GABRB3: variants seen among roughly 807,000 people sequenced by gnomAD.
The protein encoded by GABRB3 is gamma-aminobutyric acid receptor subunit beta-3.
In GABRB3, 14 loss-of-function variants were observed where a neutral mutation model predicts 52.1. The observed-to-expected ratio is 0.27, with a 90% confidence interval of 0.18 to 0.42. GABRB3 has a LOEUF of 0.42. Ranked by LOEUF, GABRB3 falls within the 10% of genes least tolerant of loss-of-function variation. GABRB3 has a pLI of 1.00. For missense variants in GABRB3, 307 were observed against 609.1 expected (o/e 0.50, Z 5.22); for synonymous variants, 260 against 232.3 (o/e 1.12, Z -1.08).
At chr15:26,640,953 C>T (rs1341190420) in intron 3 of GABRB3, among the ~76,000 whole-genome samples, 1 of 152,168 alleles carries the variant, frequency 6.6e-6, no homozygotes. Context: ...AGTCATGATT[C>T]TCTTGCTTTA....
chr15:26,735,905 T>C (rs1052759081), intron 3 of GABRB3, among the ~76,000 whole-genome samples: 1 of 150,036 alleles, frequency 6.7e-6, no homozygotes, highest in Non-Finnish European at 1.5e-5. Flanking sequence ...CAGTGAGCTA[T>C]GACCGTATCA....
At chr15:26,671,652 G>A (rs989826640) in intron 3 of GABRB3, among the ~76,000 whole-genome samples, 1 of 152,188 alleles carries the variant, frequency 6.6e-6, no homozygotes, top group Non-Finnish European at 1.5e-5. Flanking sequence ...TTGATTAGTT[G>A]GGGTAGGCTT....
At chr15:26,733,506 CATAA>C (rs921594078) in intron 3 of GABRB3, among the ~76,000 whole-genome samples, 1 of 152,058 alleles carries the variant, frequency 6.6e-6, no homozygotes. Context: ...ACTATAAAGA[CATAA>C]ATAAATGAAA....
intron 3 of GABRB3, among the ~76,000 whole-genome samples, chr15:26,640,704 A>G (rs1378431783): frequency 6.6e-6 from 1 of 152,230 alleles, no homozygotes; most frequent in Non-Finnish European, 1.5e-5. Context: ...ACAATAATTC[A>G]AAGTGTCCTT....
chr15:26,555,128 G>A (rs1217154142), intron 8 of GABRB3, among the ~76,000 whole-genome samples: 1 of 152,180 alleles, frequency 6.6e-6, no homozygotes, highest in Non-Finnish European at 1.5e-5. Context: ...AGGTTGCAGT[G>A]AGCTGAGATC....
chr15:26,611,379 C>T (rs887387001), intron 4 of GABRB3, among the ~76,000 whole-genome samples: 1 of 152,102 alleles, frequency 6.6e-6, no homozygotes, highest in Non-Finnish European at 1.5e-5. Context: ...AAAATGCTAA[C>T]ATTTGATAGG....
chr15:26,690,651 G>A (rs1888559817), intron 3 of GABRB3, among the ~76,000 whole-genome samples: 1 of 151,850 alleles, frequency 6.6e-6, no homozygotes, highest in South Asian at 2.1e-4. Flanking sequence ...TGCTCATCCT[G>A]TCCCAGTGAT....
intron 3 of GABRB3, chr15:26,658,334 C>G (rs1887438179): frequency 6.6e-6 from 1 of 152,200 alleles, no homozygotes; most frequent in South Asian, 2.1e-4. Context: ...AAACTCCTGT[C>G]TCCTGTCTAG....
rs1889242305 is a variant in GABRB3 at position 26,546,371 on chromosome 15, C to T, written c.*1422G>A. On this transcript the variant is annotated 3_prime_UTR_variant, in exon 9 of 9. Transcript: ENST00000311550. ...TAAGGTTGCGTCTATGAAACCGGTG[C>T]ACCTTGTCTTGTTTCTACGAGCTTT... is the stretch of plus-strand genomic sequence containing the variant. 1 of 152,346 alleles carries T rather than the reference C, an allele frequency of 6.6e-6. No homozygotes were observed. The highest frequency in any genetic ancestry group is 6.6e-5 in the Admixed American group (1 of 15,226). The allele number at this position is 152,346 out of a possible 1,614,324, so 9.4% of individuals were successfully genotyped here.
intron 3 of GABRB3, among the ~76,000 whole-genome samples, chr15:26,739,448 G>A (rs1205765888): frequency 1.3e-5 from 2 of 152,088 alleles, no homozygotes; most frequent in African/African-American, 4.8e-5. Flanking sequence ...CTGTTGCTGG[G>A]AAACAGAAAT....
chr15:26,547,284 A>G lies in GABRB3; in HGVS notation c.*509T>C. 1 of 379,166 alleles carries G rather than the reference A, an allele frequency of 2.6e-6. No homozygotes were observed. Among genetic ancestry groups the G allele is most frequent in the Non-Finnish European group, 4.7e-6 (1 of 213,988 alleles). 23.5% of individuals were successfully genotyped at this position (379,166 alleles called of 1,614,324 possible). ...TAAACTGAACGAGAGGATATGAAGT[A>G]AGTGACTCATTTTAAACTAGCAATA... is the stretch of plus-strand genomic sequence containing the variant. On this transcript the variant is annotated 3_prime_UTR_variant, in exon 9 of 9. Coordinates refer to ENST00000311550, the MANE Select transcript of GABRB3 (RefSeq NM_000814.6).
chr15:26,717,110 T>C (rs1595548564), intron 3 of GABRB3, among the ~76,000 whole-genome samples: 1 of 104,084 alleles, frequency 9.6e-6, no homozygotes. Context: ...AGCCCAGTTC[T>C]GGGGACATCC....
At position 26,619,844 on chromosome 15, in the gene GABRB3, C is replaced by A. The variant is rs117098541; in HGVS notation, c.461+1470G>T. Among the ~76,000 whole-genome samples, 296 of 151,778 alleles carry A rather than the reference C, an allele frequency of 2.0e-3. 6 individuals are homozygous for A. The East Asian group carries it at 0.036, about 19-fold the overall frequency. ...GCACACACCTACAACACACACATTACCACACAAAACACACACCACACACAC... is the reference window on the plus strand; with the variant it reads ...GCACACACCTACAACACACACATTAACACACAAAACACACACCACACACAC... On this transcript the variant is annotated intron_variant, in intron 4 of 8. Coordinates refer to ENST00000311550, the MANE Select transcript of GABRB3 (RefSeq NM_000814.6).
chr15:26,629,026 G>A (rs772716242), intron 3 of GABRB3: 4 of 1,536,160 alleles, frequency 2.6e-6, no homozygotes, highest in Non-Finnish European at 3.5e-6. Flanking sequence ...GAGTCTCCCG[G>A]TATCCCGGTG....
intron 3 of GABRB3, among the ~76,000 whole-genome samples, chr15:26,714,497 G>A (rs981197414): frequency 1.3e-5 from 2 of 152,136 alleles, no homozygotes; most frequent in African/African-American, 4.8e-5. Context: ...GGTTCAGTCT[G>A]GAAAGGCCGA....
chr15:26,761,356 T>C (rs920162611), intron 3 of GABRB3, among the ~76,000 whole-genome samples: 6 of 151,650 alleles, frequency 4.0e-5, no homozygotes, highest in African/African-American at 4.8e-5. Flanking sequence ...GACCATGGCA[T>C]TGCACTCCAG....
intron 3 of GABRB3, among the ~76,000 whole-genome samples, chr15:26,725,528 G>A (rs1889748207): frequency 1.3e-5 from 2 of 152,178 alleles, no homozygotes; most frequent in South Asian, 4.1e-4. Context: ...TGGTAATGAT[G>A]CTTACATGCA....
intron 3 of GABRB3, among the ~76,000 whole-genome samples, chr15:26,641,090 C>T (rs1893187663): frequency 6.6e-6 from 1 of 152,194 alleles, no homozygotes; most frequent in Non-Finnish European, 1.5e-5. Flanking sequence ...CTCTTCTAAC[C>T]TTGTCCAGGA....
At chr15:26,692,650 A>T (rs1241392721) in intron 3 of GABRB3, among the ~76,000 whole-genome samples, 2 of 152,188 alleles carry the variant, frequency 1.3e-5, no homozygotes, top group East Asian at 3.9e-4. Flanking sequence ...TACTATTTGG[A>T]GGTAGCTGAT....
Sources: gnomAD v4.1 joint callset for allele counts (sites outside exome capture counted in the v4.1 genomes callset) on GRCh38, gnomAD v4.1.1 for gene constraint, MANE v1.5 for transcripts, NCBI Gene and HGNC (gene_info 2026-07-23, HGNC 2026-07-21) for gene names.